The following SH3PXD2B variants were observed in gnomAD, a reference collection of about 807,000 sequenced individuals.
SH3PXD2B encodes the protein SH3 and PX domain-containing protein 2B.
In SH3PXD2B, 37 loss-of-function variants were observed where a neutral mutation model predicts 73.1. The ratio of observed to expected loss-of-function variants is 0.51; its 90% CI spans 0.39 to 0.67. SH3PXD2B has a LOEUF of 0.67. Among genes scored for constraint, SH3PXD2B ranks in the 30% least tolerant of loss-of-function variants. SH3PXD2B has a pLI of 0.00. For synonymous variants in SH3PXD2B, 457 were observed against 480.5 expected (o/e 0.95, Z 0.64); for missense variants, 1,053 against 1,197.8 (o/e 0.88, Z 1.78).
Position 172,336,727 on chromosome 5 carries a change from G to C in SH3PXD2B, c.*1642C>G. On this transcript the variant is annotated 3_prime_UTR_variant, in exon 13 of 13. Coordinates refer to ENST00000311601, the MANE Select transcript of SH3PXD2B (RefSeq NM_001017995.3). ...GGGCGGGGCAGGGCAGGGCAGGGCT[G>C]CCTCGGTCGGGTAGAATGGGAAGGG... is the stretch of plus-strand genomic sequence containing the variant. 4 of 985,700 alleles carry C rather than the reference G, an allele frequency of 4.1e-6. No individual in the cohort carries two copies. Among genetic ancestry groups the C allele is most frequent in the Non-Finnish European group, 4.8e-6 (4 of 830,182 alleles). The allele number at this position is 985,700 out of a possible 1,614,324, so 61.1% of individuals were successfully genotyped here.
rs551820851 is a variant in SH3PXD2B, at chr5:172,431,483, C to G, written c.76-8987G>C. The stretch of plus-strand genomic sequence containing the variant: ...GGCTACTATGACGCACAACAGGGGC[C>G]TGGGCCTTTCAGCTAATTCTCCTTT... On this transcript the variant is annotated intron_variant, in intron 1 of 12. Transcript: ENST00000311601. Among the ~76,000 whole-genome samples, 21 of 152,344 alleles carry G rather than the reference C, an allele frequency of 1.4e-4. No homozygotes were observed. The East Asian group carries it at 3.7e-3, about 27-fold the overall frequency.
chr5:172,399,233 G>A (rs775234223), intron 3 of SH3PXD2B, among the ~76,000 whole-genome samples: 4 of 152,120 alleles, frequency 2.6e-5, no homozygotes, highest in Non-Finnish European at 4.4e-5. Context: ...ATCTTGGGTG[G>A]TCCCTCGATT....
At chr5:172,441,018 C>T (rs112883519) in intron 1 of SH3PXD2B, among the ~76,000 whole-genome samples, 2 of 152,274 alleles carry the variant, frequency 1.3e-5, no homozygotes, top group South Asian at 2.1e-4. Context: ...TCCACAGGCC[C>T]AAATCAATCC....
downstream of SH3PXD2B, among the ~76,000 whole-genome samples, chr5:172,328,905 C>T (rs576620295): frequency 1.3e-5 from 2 of 151,896 alleles, no homozygotes; most frequent in Non-Finnish European, 2.9e-5. Flanking sequence ...AGGGAACAAA[C>T]CAAGCATGGG....
At chr5:172,368,497 T>TATATATATATAAA (rs1757587272) in intron 6 of SH3PXD2B, among the ~76,000 whole-genome samples, 1 of 4,288 alleles carries the variant, frequency 2.3e-4, no homozygotes, top group Non-Finnish European at 4.8e-4. Flanking sequence ...ATATATATAT[T>TATATATATATAAA]ATATATATAT....
At chr5:172,413,253 G>T (rs1051066791) in intron 2 of SH3PXD2B, among the ~76,000 whole-genome samples, 1 of 152,222 alleles carries the variant, frequency 6.6e-6, no homozygotes, top group Non-Finnish European at 1.5e-5. Flanking sequence ...GTGTCCCTGG[G>T]CCTAGTCTAC....
chr5:172,368,628 AT>A (rs1757615733), intron 6 of SH3PXD2B, among the ~76,000 whole-genome samples: 2 of 11,546 alleles, frequency 1.7e-4, no homozygotes, highest in South Asian at 6.2e-3. Context: ...ATATATATAT[AT>A]AATATATATG....
intron 6 of SH3PXD2B, among the ~76,000 whole-genome samples, chr5:172,369,222 T>C (rs995215003): frequency 6.6e-6 from 1 of 150,872 alleles, no homozygotes; most frequent in African/African-American, 2.4e-5. Flanking sequence ...TTTTTTGTTT[T>C]GTTTTGTTTT....
At chr5:172,431,159 G>A (rs984807822) in intron 1 of SH3PXD2B, among the ~76,000 whole-genome samples, 1 of 152,128 alleles carries the variant, frequency 6.6e-6, no homozygotes, top group Non-Finnish European at 1.5e-5. Context: ...GAGCCACCGC[G>A]CCCAGGCTGT....
chr5:172,337,795 C>T lies in SH3PXD2B; in HGVS notation c.*574G>A, dbSNP rs1185232977. On this transcript the variant is annotated 3_prime_UTR_variant, in exon 13 of 13. Coordinates refer to ENST00000311601, the MANE Select transcript of SH3PXD2B (RefSeq NM_001017995.3). The stretch of plus-strand genomic sequence containing the variant: ...CGCATCCAGTGGAACCTCAGAGGCC[C>T]ACGGGCCTGAGGCTTTGGGGAAGGG... 1.0e-6 allele frequency: 1 copy of T among 997,050 alleles called. No individual in the cohort carries two copies. The highest frequency in any genetic ancestry group is 1.2e-6 in the Non-Finnish European group (1 of 836,516). 61.8% of individuals were successfully genotyped at this position (997,050 alleles called of 1,614,324 possible). A position where few individuals can be genotyped will look rare whatever the true frequency, so the allele number is the denominator to read the frequency against.
At chr5:172,348,654 C>CCTATCTATCTATCTATCTAT (rs55939833) in intron 10 of SH3PXD2B, among the ~76,000 whole-genome samples, 2 of 60,450 alleles carry the variant, frequency 3.3e-5, no homozygotes, top group East Asian at 6.6e-4. Context: ...ATCTATCTAT[C>CCTATCTATCTATCTATCTAT]CTATCTATCT....
At chr5:172,359,387 C>CAAAAAAAAAAAAAAAAAAAAA (rs70982393) in intron 7 of SH3PXD2B, among the ~76,000 whole-genome samples, 1 of 84,086 alleles carries the variant, frequency 1.2e-5, no homozygotes, top group African/African-American at 4.8e-5. Context: ...ACCCCCATCT[C>CAAAAAAAAAAAAAAAAAAAAA]AAAAAAAAAA....
Position 172,337,036 on chromosome 5 carries a change from G to A in SH3PXD2B, c.*1333C>T, listed in dbSNP as rs1396577510. The A allele has an allele frequency of 1.0e-5, 10 of 985,386 alleles. No homozygotes were observed. The highest frequency in any genetic ancestry group is 1.1e-4 in the East Asian group (1 of 8,822). 61.0% of individuals were successfully genotyped at this position (985,386 alleles called of 1,614,324 possible). ...CTCAGAGCCCTCCAGGCTGGCCCTC[G>A]AGGCCACCTCAGCTCCCGTTGCTCC... On this transcript the variant is annotated 3_prime_UTR_variant, in exon 13 of 13. Transcript: ENST00000311601.
intron 2 of SH3PXD2B, among the ~76,000 whole-genome samples, chr5:172,413,515 T>C (rs914271622): frequency 2.6e-5 from 4 of 152,148 alleles, no homozygotes; most frequent in South Asian, 2.1e-4. Context: ...TGTTAGATAT[T>C]TGTGCAAAGA....
rs1434500229 is a variant in SH3PXD2B at position 172,335,679 on chromosome 5, C to T, written c.*2690G>A. 33 of 1,231,648 alleles carry T rather than the reference C, an allele frequency of 2.7e-5. No individual in the cohort carries two copies. In the Admixed American group the frequency reaches 1.3e-3, roughly 47 times the overall value. The allele number at this position is 1,231,648 out of a possible 1,614,324, so 76.3% of individuals were successfully genotyped here. ...TGACTCCAGGGGAGTTCTGCATATGCGCCATCAATCGCTCACAGAATAGCG... is the reference window on the plus strand; with the variant it reads ...TGACTCCAGGGGAGTTCTGCATATGTGCCATCAATCGCTCACAGAATAGCG... On this transcript the variant is annotated 3_prime_UTR_variant, in exon 13 of 13. Coordinates refer to ENST00000311601, the MANE Select transcript of SH3PXD2B (RefSeq NM_001017995.3).
At chr5:172,332,705 C>A (rs1407814414), downstream of SH3PXD2B, among the ~76,000 whole-genome samples, 1 of 152,032 alleles carries the variant, frequency 6.6e-6, no homozygotes, top group Non-Finnish European at 1.5e-5. Flanking sequence ...TTCTTTTGTT[C>A]GGGGACTCTG....
Position 172,422,770 on chromosome 5 carries a change from C to T in SH3PXD2B, c.76-274G>A, listed in dbSNP as rs570628540. The stretch of plus-strand genomic sequence containing the variant: ...TCAGCTCAGGAGAAGCTGCTGTTTT[C>T]GGCATTGCCAGGATTCCTCACTACC... On this transcript the variant is annotated intron_variant, in intron 1 of 12. Coordinates refer to ENST00000311601, the MANE Select transcript of SH3PXD2B (RefSeq NM_001017995.3). 3.9e-5 allele frequency among the ~76,000 whole-genome samples: 6 copies of T among 152,302 alleles called. No homozygotes were observed. In the East Asian group the frequency reaches 5.8e-4, roughly 15 times the overall value.
chr5:172,389,475 C>T (rs1283745128), intron 4 of SH3PXD2B, among the ~76,000 whole-genome samples: 3 of 132,822 alleles, frequency 2.3e-5, no homozygotes, highest in African/African-American at 8.4e-5. Flanking sequence ...GTTGGGCCTC[C>T]ACCTCCTCAT....
intron 10 of SH3PXD2B, 42 bp downstream of exon 10, chr5:172,350,321 C>T (rs1034056058): frequency 1.9e-6 from 3 of 1,599,146 alleles, no homozygotes; most frequent in South Asian, 2.2e-5. Flanking sequence ...AGCTGGCACA[C>T]AGGGGCCCTG....
Sources: allele counts gnomAD v4.1 joint callset (sites outside exome capture counted in the v4.1 genomes callset), GRCh38; gene constraint gnomAD v4.1.1; transcripts MANE v1.5; gene names NCBI Gene and HGNC (gene_info 2026-07-23, HGNC 2026-07-21).